SHANK2: variants seen among roughly 807,000 people sequenced by gnomAD.
The protein encoded by SHANK2 is SH3 and multiple ankyrin repeat domains 2.
SHANK2 carries 43 observed loss-of-function variants against 133.7 expected under a neutral mutation model. The observed-to-expected ratio is 0.32, with a 90% CI of 0.25 to 0.41. SHANK2 has a LOEUF of 0.41. SHANK2 is among the 10% of genes least tolerant of loss of function. SHANK2 has a pLI of 1.00. For synonymous variants in SHANK2, 1,017 were observed against 952.8 expected (o/e 1.07, Z -1.24); for missense variants, 1,994 against 2,235.8 (o/e 0.89, Z 2.18).
intron 10 of SHANK2, chr11:70,933,323 A>T (rs1191663046): frequency 2.2e-6 from 1 of 454,652 alleles, no homozygotes; most frequent in African/African-American, 2.0e-5. Flanking sequence ...TCTGAGATTC[A>T]TAGAGATGGA....
chr11:70,737,450 T>G (rs1236043354), intron 14 of SHANK2, among the ~76,000 whole-genome samples: 1 of 152,114 alleles, frequency 6.6e-6, no homozygotes, highest in Non-Finnish European at 1.5e-5. Flanking sequence ...TTCTTTGAGA[T>G]CTGTCCAGAA....
chr11:70,513,677 G>C (rs577888080), intron 17 of SHANK2, among the ~76,000 whole-genome samples: 2 of 152,280 alleles, frequency 1.3e-5, no homozygotes, highest in East Asian at 3.9e-4. Flanking sequence ...ATGAATAAAA[G>C]ACAGGAAATC....
intron 25 of SHANK2, chr11:70,474,597 C>T (rs1555149736): frequency 1.3e-5 from 2 of 152,270 alleles, no homozygotes; most frequent in Non-Finnish European, 2.9e-5. Flanking sequence ...CACTCTGGGC[C>T]CTAGTGCATG....
intron 3 of SHANK2, among the ~76,000 whole-genome samples, chr11:71,119,341 G>T (rs1429372374): frequency 6.6e-6 from 1 of 152,158 alleles, no homozygotes; most frequent in African/African-American, 2.4e-5. Context: ...CAGCACTTTG[G>T]GAGGTCCAGG....
chr11:70,582,678 G>A (rs367765386), intron 17 of SHANK2, among the ~76,000 whole-genome samples: 2 of 152,172 alleles, frequency 1.3e-5, no homozygotes, highest in African/African-American at 4.8e-5. Context: ...CGATGCTGTC[G>A]GGGTCCCTGA....
intron 15 of SHANK2, among the ~76,000 whole-genome samples, chr11:70,679,067 G>C (rs115279304): frequency 1.3e-5 from 2 of 152,160 alleles, no homozygotes; most frequent in Non-Finnish European, 2.9e-5. Flanking sequence ...CACCAGGCCC[G>C]TAACAGGTGA....
chr11:70,845,288 C>A (rs1948980377), intron 11 of SHANK2, among the ~76,000 whole-genome samples: 1 of 149,590 alleles, frequency 6.7e-6, no homozygotes, highest in Non-Finnish European at 1.5e-5. Context: ...TGGGTTTCAA[C>A]CAGAGGACAA....
rs35529960 is a variant in SHANK2, at chr11:71,211,642, CA to C, written c.-13+13054del. On this transcript the variant is annotated intron_variant, in intron 2 of 25. Transcript: ENST00000601538. ...ACCACAATCCATTTTTGAGCATTTG[CA>C]AAAAAAAAAAAAAAAAATTAACCTG... Among the ~76,000 whole-genome samples, 860 of 117,958 alleles carry C rather than the reference CA, an allele frequency of 7.3e-3. 5 individuals carry two copies. Among genetic ancestry groups the C allele is most frequent in the African/African-American group, 0.015 (491 of 33,736 alleles). 77.4% of individuals were successfully genotyped at this position (117,958 alleles called of 152,430 possible).
At chr11:71,225,224 C>T (rs1174535207) in intron 1 of SHANK2, among the ~76,000 whole-genome samples, 2 of 152,230 alleles carry the variant, frequency 1.3e-5, no homozygotes, top group East Asian at 3.9e-4. Context: ...AACAGGTCTA[C>T]TCCAGCCAGA....
intron 11 of SHANK2, among the ~76,000 whole-genome samples, chr11:70,885,613 C>T (rs1455679445): frequency 3.9e-5 from 6 of 152,104 alleles, no homozygotes; most frequent in South Asian, 2.1e-4. Flanking sequence ...AACGTGGTAA[C>T]GAACATCAAC....
At chr11:70,936,251 C>T (rs1306784779) in intron 10 of SHANK2, among the ~76,000 whole-genome samples, 2 of 152,238 alleles carry the variant, frequency 1.3e-5, no homozygotes, top group Non-Finnish European at 2.9e-5. Flanking sequence ...GTGGCTCACG[C>T]CTGTAATCCC....
At chr11:70,811,935 G>A (rs1175199237) in intron 12 of SHANK2, among the ~76,000 whole-genome samples, 4 of 152,192 alleles carry the variant, frequency 2.6e-5, no homozygotes, top group Admixed American at 6.5e-5. Flanking sequence ...AAGCCCAGCT[G>A]AACACTTACT....
At chr11:70,914,059 G>A (rs1418775218) in intron 10 of SHANK2, among the ~76,000 whole-genome samples, 2 of 152,152 alleles carry the variant, frequency 1.3e-5, no homozygotes, top group African/African-American at 2.4e-5. Flanking sequence ...AGAACAGGGC[G>A]GCGGTGGGGG....
chr11:70,932,014 G>A (rs1230437259), intron 10 of SHANK2, among the ~76,000 whole-genome samples: 1 of 152,142 alleles, frequency 6.6e-6, no homozygotes, highest in Non-Finnish European at 1.5e-5. Context: ...ATTTCCATAA[G>A]CCCACTCTAA....
In SHANK2 at chr11:70,579,135, C is replaced by T. The variant is rs554496687; in HGVS notation, c.2062-76204G>A. On this transcript the variant is annotated intron_variant, in intron 17 of 25. Transcript: ENST00000601538. ...CTCTGATTTATTAAATTAGGTCTTG[C>T]TCAGTCTCCAGGTCCAGCTCACCCC... Among the ~76,000 whole-genome samples the T allele has an allele frequency of 1.1e-4, 16 of 152,304 alleles. No individual in the cohort carries two copies. The South Asian group carries it at 3.3e-3, about 32-fold the overall frequency.
intron 2 of SHANK2, among the ~76,000 whole-genome samples, chr11:71,220,448 G>A (rs984148060): frequency 2.0e-5 from 3 of 152,222 alleles, no homozygotes; most frequent in East Asian, 1.9e-4. Context: ...CTGAAAGAAC[G>A]GGTGGATATC....
rs181861026 is a variant in SHANK2, at chr11:71,168,753, G to A, written c.-12-21415C>T. 3.8e-3 allele frequency among the ~76,000 whole-genome samples: 576 copies of A among 152,180 alleles called. 2 individuals carry two copies. Among genetic ancestry groups the A allele is most frequent in the African/African-American group, 0.013 (544 of 41,530 alleles). On this transcript the variant is annotated intron_variant, in intron 2 of 25. Transcript: ENST00000601538. Reference sequence around the variant, plus strand: ...GGCAGGAGAATCAGGCAGCAGTACCGTCCAGCTTCAGCTCGGCATCAGAGG... The same window carrying A: ...GGCAGGAGAATCAGGCAGCAGTACCATCCAGCTTCAGCTCGGCATCAGAGG...
intron 14 of SHANK2, among the ~76,000 whole-genome samples, chr11:70,734,375 C>T (rs959729508): frequency 6.6e-6 from 1 of 152,162 alleles, no homozygotes; most frequent in Non-Finnish European, 1.5e-5. Flanking sequence ...AAAGGTGAGG[C>T]GCATTTCATG....
intron 20 of SHANK2, among the ~76,000 whole-genome samples, chr11:70,501,668 G>T (rs547620567): frequency 6.6e-6 from 1 of 152,332 alleles, no homozygotes; most frequent in Admixed American, 6.5e-5. Flanking sequence ...GGAGTCAGAG[G>T]GCCAGAGCCT....
Sources: gnomAD v4.1 joint callset for allele counts (sites outside exome capture counted in the v4.1 genomes callset) on GRCh38, gnomAD v4.1.1 for gene constraint, MANE v1.5 for transcripts, NCBI Gene and HGNC (gene_info 2026-07-23, HGNC 2026-07-21) for gene names.